Variants in QSER1 observed in about 807,000 individuals in gnomAD.
QSER1 encodes glutamine and serine-rich protein 1.
Under a neutral mutation model 158.5 loss-of-function variants are expected in QSER1, and 49 were observed. The observed-to-expected ratio is 0.31, with a 90% CI of 0.25 to 0.39. The LOEUF (loss-of-function observed/expected upper bound fraction) is 0.39, where lower values mean the gene tolerates loss of function less well. QSER1 is among the 10% of genes least tolerant of loss of function. QSER1 has a pLI of 1.00. For synonymous variants in QSER1, 650 were observed against 715.5 expected, an observed-to-expected ratio of 0.91 and a Z score of 1.46; for missense variants, 1,754 against 2,010.3, an observed-to-expected ratio of 0.87 and a Z score of 2.44.
intron 1 of QSER1, chr11:32,926,592 C>T (rs1851975057): frequency 1.3e-5 from 2 of 152,158 alleles, no homozygotes; most frequent in South Asian, 4.1e-4. Flanking sequence ...ATAACCTTTC[C>T]TTTCCAAGAA....
At chr11:32,910,959 A>G (rs779438313) in intron 1 of QSER1, among the ~76,000 whole-genome samples, 1 of 152,202 alleles carries the variant, frequency 6.6e-6, no homozygotes, top group Non-Finnish European at 1.5e-5. Context: ...AGATAGTACA[A>G]TGTAATAATT....
chr11:32,963,263 C>G (rs549781111), intron 8 of QSER1, among the ~76,000 whole-genome samples: 2 of 151,980 alleles, frequency 1.3e-5, no homozygotes, highest in East Asian at 3.9e-4. Flanking sequence ...TCATGTGATC[C>G]TCTCACCTCA....
rs1852494049 is a variant in QSER1 at position 32,955,387 on chromosome 11, A to G, written c.4592A>G (p.Gln1531Arg). The change falls in exon 6 of 13, where the codon CAA becomes CGA. Residue 1531 changes from glutamine to arginine, a missense_variant. Coordinates refer to ENST00000650167, the MANE Select transcript of QSER1 (RefSeq NM_001076786.3). ...QKFVPEIRDG[Q>R]REFAATNSYL... is the part of the protein sequence containing the mutation. Reference sequence around the variant, plus strand: ...TTTGTTCCTGAAATTCGAGATGGTCAAAGAGAATTTGCTGCTACAAATAGT... The same window carrying G: ...TTTGTTCCTGAAATTCGAGATGGTCGAAGAGAATTTGCTGCTACAAATAGT... 6.3e-7 allele frequency: 1 copy of G among 1,589,918 alleles called. No homozygotes were observed. Among genetic ancestry groups the G allele is most frequent in the African/African-American group, 1.4e-5 (1 of 73,710 alleles).
intron 4 of QSER1, among the ~76,000 whole-genome samples, chr11:32,943,282 T>C (rs937957467): frequency 1.4e-5 from 2 of 147,480 alleles, no homozygotes; most frequent in Non-Finnish European, 3.0e-5. Flanking sequence ...TGAATAGGAG[T>C]GGTGAGAGAG....
At position 32,966,299 on chromosome 11, in the gene QSER1, G is replaced by C. The variant is rs1348816226; in HGVS notation, c.4970-1G>C. ...AATATTTAACCCTTTCTCCCTCCCA[G>C]AATTTGAACCTCCCGCTCCCTTTGT... On this transcript the variant is annotated splice_acceptor_variant, in intron 8 of 12. Coordinates refer to ENST00000650167, the MANE Select transcript of QSER1 (RefSeq NM_001076786.3). LOFTEE classifies it high-confidence loss of function. 6.2e-7 allele frequency: 1 copy of C among 1,610,694 alleles called. No homozygotes were observed. The highest frequency in any genetic ancestry group is 8.5e-7 in the Non-Finnish European group (1 of 1,179,132).
At chr11:32,963,252 C>T (rs1214186633) in intron 8 of QSER1, among the ~76,000 whole-genome samples, 1 of 151,978 alleles carries the variant, frequency 6.6e-6, no homozygotes, top group Non-Finnish European at 1.5e-5. Context: ...ATATCCCAGG[C>T]TCATGTGATC....
intron 1 of QSER1, among the ~76,000 whole-genome samples, chr11:32,922,412 T>C (rs1328024910): frequency 1.3e-5 from 2 of 151,844 alleles, no homozygotes; most frequent in African/African-American, 4.8e-5. Flanking sequence ...ATTTCAGTAG[T>C]ACTTTTACTA....
chr11:32,948,333 C>A (rs1281834765), intron 4 of QSER1, among the ~76,000 whole-genome samples: 1 of 152,194 alleles, frequency 6.6e-6, no homozygotes, highest in Non-Finnish European at 1.5e-5. Flanking sequence ...CACTCTTAAC[C>A]TCTAGAGCAA....
intron 8 of QSER1, among the ~76,000 whole-genome samples, chr11:32,964,113 C>T (rs774025469): frequency 2.0e-5 from 3 of 152,178 alleles, no homozygotes; most frequent in Non-Finnish European, 4.4e-5. Context: ...GCTAGTACTA[C>T]AGGCGCATGC....
intron 4 of QSER1, among the ~76,000 whole-genome samples, chr11:32,947,594 G>A (rs1356283234): frequency 6.6e-6 from 1 of 152,104 alleles, no homozygotes; most frequent in Non-Finnish European, 1.5e-5. Flanking sequence ...GTTTGTGCTT[G>A]TTACAGCTGG....
rs373679419 is a variant in QSER1, at chr11:32,946,928, G to A, written c.4178-6929G>A. Reference sequence around the variant, plus strand: ...CAAGCCAGGTGCGGGATATAATCTCGTGGTGCGCCGTTTTTTAAGCCCGTC... The same window carrying A: ...CAAGCCAGGTGCGGGATATAATCTCATGGTGCGCCGTTTTTTAAGCCCGTC... On this transcript the variant is annotated intron_variant, in intron 4 of 12. Transcript: ENST00000650167. Among the ~76,000 whole-genome samples, 500 of 152,346 alleles carry A rather than the reference G, an allele frequency of 3.3e-3. 3 individuals carry two copies. The highest frequency in any genetic ancestry group is 6.8e-3 in the South Asian group (33 of 4,828).
chr11:32,922,388 A>T (rs1851909780), intron 1 of QSER1, among the ~76,000 whole-genome samples: 1 of 152,176 alleles, frequency 6.6e-6, no homozygotes, highest in Non-Finnish European at 1.5e-5. Context: ...CAACCCAATA[A>T]AAATGGGCAG....
At chr11:32,894,729 G>A (rs2133480940) in intron 1 of QSER1, among the ~76,000 whole-genome samples, 1 of 152,290 alleles carries the variant, frequency 6.6e-6, no homozygotes, top group South Asian at 2.1e-4. Context: ...AGACTTGGGA[G>A]TTAACAAAAA....
chr11:32,897,528 CT>C (rs1220678202), intron 1 of QSER1, among the ~76,000 whole-genome samples: 2 of 152,232 alleles, frequency 1.3e-5, no homozygotes, highest in Admixed American at 1.3e-4. Flanking sequence ...TCCTACTTTT[CT>C]GGCCCAACGC....
chr11:32,940,531 G>T (rs1852214354), intron 4 of QSER1, among the ~76,000 whole-genome samples: 1 of 151,690 alleles, frequency 6.6e-6, no homozygotes, highest in Non-Finnish European at 1.5e-5. Context: ...AAACTGGGAG[G>T]TTTTTTTTCT....
intron 10 of QSER1, among the ~76,000 whole-genome samples, chr11:32,970,945 GCTT>G (rs1852841604): frequency 1.1e-5 from 1 of 87,320 alleles, no homozygotes; most frequent in Non-Finnish European, 2.3e-5. Context: ...AAAGCAATTT[GCTT>G]TTTTTTTTTT....
rs796097642 is a variant in QSER1, at chr11:32,932,588, A to C, written c.1330A>C (p.Asn444His). 1.4e-5 allele frequency: 23 copies of C among 1,614,128 alleles called. No homozygotes were observed. The African/African-American group carries it at 2.8e-4, about 20-fold the overall frequency. The change falls in exon 4 of 13, where the codon AAT (asparagine) becomes CAT (histidine). Residue 444 changes from asparagine (N) to histidine (H), a missense_variant. By Grantham distance (68) the Asn-to-His change is moderately conservative (BLOSUM62 1). Transcript: ENST00000650167. ...QTLSYSKPLH[N>H]QSSVISGQAQ... is the part of the protein sequence containing the mutation. Reference sequence around the variant, plus strand: ...ACTAAGCTATTCCAAACCTTTACATAATCAGAGTTCTGTAATATCGGGCCA... The same window carrying C: ...ACTAAGCTATTCCAAACCTTTACATCATCAGAGTTCTGTAATATCGGGCCA...
Position 32,909,840 on chromosome 11 carries a change from T to G in QSER1, c.209+16506T>G, listed in dbSNP as rs1055067213. Among the ~76,000 whole-genome samples, 11 of 152,200 alleles carry G rather than the reference T, an allele frequency of 7.2e-5. No homozygotes were observed. The East Asian group carries it at 2.1e-3, about 29-fold the overall frequency. On this transcript the variant is annotated intron_variant, in intron 1 of 12. Coordinates refer to ENST00000650167, the MANE Select transcript of QSER1 (RefSeq NM_001076786.3). ...GTATGGGGGGGGTGTGGTCATGACA[T>G]TATAAGGTGTATTTTGATTTTAGGA... is the stretch of plus-strand genomic sequence containing the variant.
intron 10 of QSER1, among the ~76,000 whole-genome samples, chr11:32,972,041 T>C (rs1369326485): frequency 2.7e-5 from 4 of 146,420 alleles, no homozygotes; most frequent in Non-Finnish European, 5.9e-5. Context: ...CTAGCCTGGA[T>C]GACAGAGCAA....
Sources: gnomAD v4.1 joint callset for allele counts (sites outside exome capture counted in the v4.1 genomes callset) on GRCh38, gnomAD v4.1.1 for gene constraint, MANE v1.5 for transcripts, NCBI Gene and HGNC (gene_info 2026-07-23, HGNC 2026-07-21) for gene names.